The following CDH23 variants were observed in gnomAD, a reference collection of about 807,000 sequenced individuals.
CDH23 encodes the protein cadherin related 23, also known as cadherin-23.
Under a neutral mutation model 317.1 loss-of-function variants are expected in CDH23, and 189 were observed. The ratio of observed to expected loss-of-function variants is 0.60; its 90% CI spans 0.53 to 0.67. The LOEUF is 0.67. Among genes scored for constraint, CDH23 ranks in the 30% least tolerant of loss-of-function variants. CDH23 has a pLI of 0.00. For missense variants in CDH23, 4,401 were observed against 4,592.4 expected (o/e 0.96, Z 1.20); for synonymous variants, 1,839 against 1,876.8 (o/e 0.98, Z 0.52).
chr10:71,511,237 G>T, intron 6 of CDH23, 25 bp downstream of exon 6: 1 of 1,592,596 alleles, frequency 6.3e-7, no homozygotes, highest in Non-Finnish European at 8.6e-7. Context: ...GGTTACCCTT[G>T]AGGGTATCAG....
At chr10:71,629,989 G>A (rs1232731395) in intron 11 of CDH23, among the ~76,000 whole-genome samples, 1 of 152,076 alleles carries the variant, frequency 6.6e-6, no homozygotes. Context: ...TATGTTATAT[G>A]AATTGTATCT....
chr10:71,538,792 GC>G (rs545440343), intron 6 of CDH23, among the ~76,000 whole-genome samples: 47 of 152,316 alleles, frequency 3.1e-4, no homozygotes, highest in African/African-American at 1.1e-3. Flanking sequence ...GCTTTTGCCT[GC>G]CCTACTCTAC....
At chr10:71,716,778 T>A in intron 28 of CDH23, 1 of 165,362 alleles carries the variant, frequency 6.0e-6, no homozygotes, top group Non-Finnish European at 1.3e-5. Context: ...ATACCAAAGC[T>A]GCAAACTGGG....
chr10:71,620,040 G>A (rs1336385946), intron 11 of CDH23, among the ~76,000 whole-genome samples: 6 of 152,180 alleles, frequency 3.9e-5, no homozygotes, highest in African/African-American at 1.4e-4. Context: ...TCACGTGGAC[G>A]ACTAGGCTAG....
chr10:71,688,661 G>C, intron 19 of CDH23, among the ~76,000 whole-genome samples: 1 of 142,200 alleles, frequency 7.0e-6, no homozygotes, highest in African/African-American at 2.7e-5. Context: ...TGGAGCCAGG[G>C]GTGGTGGAGT....
At chr10:71,398,991 G>A (rs949046874) in intron 1 of CDH23, among the ~76,000 whole-genome samples, 2 of 152,294 alleles carry the variant, frequency 1.3e-5, no homozygotes, top group South Asian at 2.1e-4. Context: ...GGCTCCTCAC[G>A]TCTGCTTACC....
rs368496658 is a variant in CDH23 at position 71,702,148 on chromosome 10, C to T, written c.2524C>T (p.Arg842Trp). The T allele has an allele frequency of 3.3e-5, 53 of 1,613,838 alleles. No homozygotes were observed. The Middle Eastern group carries it at 6.6e-4, about 20-fold the overall frequency. ...KIRTTHAMLDRENPDPHEAEL... is the reference protein window; with the variant it reads ...KIRTTHAMLDWENPDPHEAEL... ...CCGCACCACCCACGCCATGCTGGAC[C>T]GGGAGAACCCCGACCCCCATGAGGC... The change falls in exon 23 of 70, where the codon CGG (arginine) becomes TGG (tryptophan). Residue 842 changes from arginine (R) to tryptophan (W), a missense_variant. Transcript: ENST00000224721.
intron 32 of CDH23, chr10:71,732,636 CAAAG>C: frequency 7.2e-7 from 1 of 1,392,630 alleles, no homozygotes; most frequent in Non-Finnish European, 9.3e-7. Context: ...TTGTCTCTTA[CAAAG>C]AAACAAAAAA....
intron 50 of CDH23, 66 bp downstream of exon 50, chr10:71,798,644 G>T (rs1841472256): frequency 2.3e-6 from 3 of 1,280,554 alleles, no homozygotes; most frequent in Non-Finnish European, 3.2e-6. Flanking sequence ...GTCCCCAAGA[G>T]AGACCACAGC....
At chr10:71,458,069 A>G (rs902105056) in intron 3 of CDH23, among the ~76,000 whole-genome samples, 12 of 152,206 alleles carry the variant, frequency 7.9e-5, no homozygotes, top group African/African-American at 2.9e-4. Flanking sequence ...GTAATTTACA[A>G]GAGCTGAATA....
At position 71,490,022 on chromosome 10, in the gene CDH23, A is replaced by AC. The variant is rs1554830139; in HGVS notation, c.146-20060_146-20059insC. 6.6e-3 allele frequency among the ~76,000 whole-genome samples: 1,005 copies of AC among 151,198 alleles called. 11 individuals are homozygous for AC. Among genetic ancestry groups the AC allele is most frequent in the African/African-American group, 0.019 (782 of 41,104 alleles). On this transcript the variant is annotated intron_variant, in intron 3 of 69. Transcript: ENST00000224721. ...GGAGGTTCTTTGGGGTGCCTGCTTGAGGGGGGTGTTTCCTATTAGACCCCT... is the reference window on the plus strand; with the variant it reads ...GGAGGTTCTTTGGGGTGCCTGCTTGACGGGGGGTGTTTCCTATTAGACCCCT...
At chr10:71,686,925 G>C (rs531684562) in intron 18 of CDH23, among the ~76,000 whole-genome samples, 29 of 152,320 alleles carry the variant, frequency 1.9e-4, no homozygotes, top group African/African-American at 6.7e-4. Flanking sequence ...GAGTTGGGGG[G>C]TGCGTAGCAG....
chr10:71,441,933 G>A (rs1264826846), intron 2 of CDH23, among the ~76,000 whole-genome samples: 1 of 152,162 alleles, frequency 6.6e-6, no homozygotes, highest in African/African-American at 2.4e-5. Flanking sequence ...GGTCCCTTGG[G>A]CGAGTGTCTT....
intron 28 of CDH23, chr10:71,713,483 T>C: frequency 3.5e-6 from 2 of 574,964 alleles, no homozygotes; most frequent in Non-Finnish European, 3.1e-6. Flanking sequence ...GCTCCCGGGC[T>C]TGGGAGGGAC....
At chr10:71,725,626 T>A in intron 30 of CDH23, 106 bp downstream of exon 30, 1 of 1,290,654 alleles carries the variant, frequency 7.7e-7, no homozygotes, top group Non-Finnish European at 1.1e-6. Flanking sequence ...GGGCCACCAC[T>A]GATTTAGGTG....
At chr10:71,671,131 T>G (rs1250885687) in intron 14 of CDH23, among the ~76,000 whole-genome samples, 1 of 152,106 alleles carries the variant, frequency 6.6e-6, no homozygotes, top group African/African-American at 2.4e-5. Context: ...GGCTAATTTT[T>G]CTATTTTTAA....
At chr10:71,655,014 T>A (rs1863357070) in intron 14 of CDH23, among the ~76,000 whole-genome samples, 1 of 152,112 alleles carries the variant, frequency 6.6e-6, no homozygotes, top group African/African-American at 2.4e-5. Flanking sequence ...ATAGAAACAC[T>A]CAGAGGTCAC....
intron 38 of CDH23, among the ~76,000 whole-genome samples, chr10:71,769,038 G>A (rs1399953894): frequency 6.6e-6 from 1 of 152,192 alleles, no homozygotes; most frequent in Non-Finnish European, 1.5e-5. Context: ...CCTCCTTCTT[G>A]AAGACGGACA....
At chr10:71,637,611 G>T (rs967175142) in intron 11 of CDH23, among the ~76,000 whole-genome samples, 1 of 152,104 alleles carries the variant, frequency 6.6e-6, no homozygotes, top group Non-Finnish European at 1.5e-5. Flanking sequence ...GGCTTCCAAG[G>T]TTCTATACCC....
Sources: gnomAD v4.1 joint callset for allele counts (sites outside exome capture counted in the v4.1 genomes callset) on GRCh38, gnomAD v4.1.1 for gene constraint, MANE v1.5 for transcripts, NCBI Gene and HGNC (gene_info 2026-07-23, HGNC 2026-07-21) for gene names.